LSP1: variants seen among roughly 807,000 people sequenced by gnomAD.
LSP1 encodes lymphocyte-specific protein 1.
Under a neutral mutation model 49.3 loss-of-function variants are expected in LSP1, and 32 were observed. That is an observed-to-expected ratio of 0.65 (90% CI 0.49 to 0.87). The LOEUF is 0.87. Ranked by LOEUF, LSP1 falls within the 40% of genes least tolerant of loss-of-function variation. LSP1 has a pLI of 0.00. For synonymous variants in LSP1, 179 were observed against 178.8 expected (o/e 1.00, Z -0.01); for missense variants, 428 against 442.6 (o/e 0.97, Z 0.30).
In LSP1 at chr11:1,886,760, G is replaced by T; in HGVS notation, c.746G>T (p.Arg249Leu). ...GCTGGCCGGACCCCCAAGCTAGCCC[G>T]CCAGGCCTCCATAGAGCTGCCCAGC... The part of the protein sequence containing the change: ...ETAGRTPKLA[R>L]QASIELPSMA... Residue 249 changes from arginine (R) to leucine (L), a missense_variant, in exon 8 of 11, where the codon CGC (arginine) becomes CTC (leucine). By Grantham distance (102) the Arg-to-Leu change is moderately radical. Transcript: ENST00000311604. 1 of 1,611,268 alleles carries T rather than the reference G, an allele frequency of 6.2e-7. No individual in the cohort carries two copies. The highest frequency in any genetic ancestry group is 8.5e-7 in the Non-Finnish European group (1 of 1,179,364).
chr11:1,869,759 G>C, intron 1 of LSP1: 1 of 467,966 alleles, frequency 2.1e-6, no homozygotes, highest in South Asian at 1.6e-5. Flanking sequence ...CCAAGGAGAG[G>C]GCGGGCGAGG....
rs148262402 is a variant in LSP1, at chr11:1,884,286, G to T, written c.598G>T (p.Asp200Tyr). 1.1e-4 allele frequency: 183 copies of T among 1,614,026 alleles called. No homozygotes were observed. The East Asian group carries it at 2.9e-3, about 26-fold the overall frequency. Residue 200 changes from aspartate to tyrosine, a missense_variant, in exon 6 of 11, where the codon GAC becomes TAC. Asp to Tyr is a radical substitution (Grantham distance 160). Coordinates refer to ENST00000311604, the MANE Select transcript of LSP1 (RefSeq NM_002339.3). The surrounding 1 kb of genome is among the most constrained non-coding windows in gnomAD (Gnocchi z 4.1). ...CTCTCTCCACCCTCTGCAGCTCATC[G>T]ACAGGACCGAGTCCCTAAACCGCTC... ...PPLSPTTKLI[D>Y]RTESLNRSIE...
chr11:1,866,388 G>A lies in LSP1; in HGVS notation c.53+13191G>A, dbSNP rs1191603883. ...GAGCCAGGGATGCCCATGGGGGTGA[G>A]CTAAGTGGGGTCTGAGGAGTTGAGG... On this transcript the variant is annotated intron_variant, in intron 1 of 10. Transcript: ENST00000311604. 4.1e-6 allele frequency: 5 copies of A among 1,232,176 alleles called. No individual in the cohort carries two copies. In the African/African-American group the frequency reaches 7.6e-5, roughly 19 times the overall value. 76.3% of individuals were successfully genotyped at this position (1,232,176 alleles called of 1,614,324 possible). A position where few individuals can be genotyped will look rare whatever the true frequency, so the allele number is the denominator to read the frequency against.
intron 1 of LSP1, chr11:1,870,973 T>C: frequency 1.0e-6 from 1 of 985,732 alleles, no homozygotes; most frequent in Non-Finnish European, 1.2e-6. Flanking sequence ...TCGGTGGACC[T>C]GTAGGTATCA....
chr11:1,889,757 C>A, intron 10 of LSP1: 1 of 653,520 alleles, frequency 1.5e-6, no homozygotes, highest in East Asian at 2.7e-5. Flanking sequence ...AGGACTCCAG[C>A]GAGCGGCAGG....
chr11:1,889,769 C>T (rs553506585), intron 10 of LSP1: 24 of 649,852 alleles, frequency 3.7e-5, no homozygotes, highest in East Asian at 8.2e-5. Context: ...AGCGGCAGGT[C>T]GGGGCTATGG....
chr11:1,871,452 C>T, intron 1 of LSP1: 1 of 986,320 alleles, frequency 1.0e-6, no homozygotes, highest in Non-Finnish European at 1.2e-6. Flanking sequence ...GGCTGGTCAG[C>T]AGGACATCAA....
chr11:1,865,213 C>T (rs79050743), intron 1 of LSP1: 42,352 of 985,548 alleles, frequency 0.043, 964 homozygotes, highest in African/African-American at 0.052. Flanking sequence ...TGGGCAGTCC[C>T]GGGCTTCTGA....
At chr11:1,878,203 C>T (rs1261565020) in intron 1 of LSP1, among the ~76,000 whole-genome samples, 1 of 152,074 alleles carries the variant, frequency 6.6e-6, no homozygotes, top group Non-Finnish European at 1.5e-5. Context: ...TCCATGGAAC[C>T]CCTCCACCTC....
intron 8 of LSP1, 95 bp from the exon 9 acceptor site, chr11:1,887,142 G>A: frequency 1.6e-6 from 2 of 1,227,754 alleles, no homozygotes; most frequent in Non-Finnish European, 2.3e-6. Context: ...AGGCCCCCTG[G>A]CCAGGTAAGG....
At chr11:1,889,352 C>T (rs372763912) in intron 10 of LSP1, 17 of 712,292 alleles carry the variant, frequency 2.4e-5, no homozygotes, top group Middle Eastern at 2.3e-4. Context: ...CTTGGGCCTC[C>T]GCCACTGACA....
chr11:1,868,950 G>A (rs939709361), intron 1 of LSP1: 20 of 986,002 alleles, frequency 2.0e-5, no homozygotes, highest in African/African-American at 5.2e-5. Context: ...GCATGGCCCC[G>A]GGGACTGAGC....
intron 1 of LSP1, among the ~76,000 whole-genome samples, chr11:1,877,924 A>G (rs550583260): frequency 6.6e-6 from 1 of 151,996 alleles, no homozygotes; most frequent in Admixed American, 6.5e-5. Context: ...GCTTGCCCAT[A>G]GGGGTGGACC....
intron 10 of LSP1, chr11:1,889,533 T>A (rs1467257907): frequency 4.9e-6 from 3 of 612,666 alleles, no homozygotes; most frequent in Admixed American, 5.9e-5. Context: ...CTCTGGGGCC[T>A]CCTCCAGCAG....
At chr11:1,889,708 G>A (rs1479839557) in intron 10 of LSP1, 2 of 647,280 alleles carry the variant, frequency 3.1e-6, no homozygotes, top group Non-Finnish European at 5.7e-6. Flanking sequence ...TCCTCCAGGT[G>A]CTCTCTGCCA....
chr11:1,884,270 C>A lies in LSP1; in HGVS notation c.592-10C>A, dbSNP rs961361080. 19 of 1,613,958 alleles carry A rather than the reference C, an allele frequency of 1.2e-5. No homozygotes were observed. The highest frequency in any genetic ancestry group is 1.4e-5 in the Non-Finnish European group (17 of 1,179,982). Reference sequence around the variant, plus strand: ...TGCTGCAGGCCTGTGTCTCTCTCCACCCTCTGCAGCTCATCGACAGGACCG... The same window carrying A: ...TGCTGCAGGCCTGTGTCTCTCTCCAACCTCTGCAGCTCATCGACAGGACCG... On this transcript the variant is annotated splice_polypyrimidine_tract_variant and intron_variant, in intron 5 of 10. Coordinates refer to ENST00000311604, the MANE Select transcript of LSP1 (RefSeq NM_002339.3). This position sits in a 1 kb window ranked among gnomAD's most constrained non-coding sequence, Gnocchi z 4.1.
chr11:1,873,303 C>T (rs1348515561), intron 1 of LSP1, among the ~76,000 whole-genome samples: 3 of 152,144 alleles, frequency 2.0e-5, no homozygotes, highest in Non-Finnish European at 4.4e-5. Context: ...GCGGCGACCC[C>T]GAGGCTCAGA....
intron 1 of LSP1, among the ~76,000 whole-genome samples, chr11:1,872,395 G>A (rs533370632): frequency 1.1e-3 from 160 of 147,118 alleles, no homozygotes; most frequent in Non-Finnish European, 1.8e-3. Flanking sequence ...CCTTTGGGAC[G>A]GGGTGTGTGT....
chr11:1,873,785 G>A (rs959055043), intron 1 of LSP1, among the ~76,000 whole-genome samples: 31 of 152,058 alleles, frequency 2.0e-4, no homozygotes, highest in African/African-American at 7.3e-4. Flanking sequence ...GTAGCCATCA[G>A]GGTGGCAACC....
Sources: gnomAD v4.1 joint callset for allele counts (sites outside exome capture counted in the v4.1 genomes callset) on GRCh38, gnomAD v4.1.1 for gene constraint, Gnocchi (gnomAD v3.1) non-coding constraint, MANE v1.5 for transcripts, NCBI Gene and HGNC (gene_info 2026-07-23, HGNC 2026-07-21) for gene names.